The following PHRF1 variants were observed in gnomAD, a reference collection of about 807,000 sequenced individuals.
PHRF1 encodes the protein PHD and ring finger domains 1.
In PHRF1, 53 loss-of-function variants were observed where a neutral mutation model predicts 128.9. That is an observed-to-expected ratio of 0.41 (90% CI 0.33 to 0.52). The LOEUF is 0.52. Among genes scored for constraint, PHRF1 ranks in the 20% least tolerant of loss-of-function variants. PHRF1 has a pLI of 0.21. For missense variants in PHRF1, 2,503 were observed against 2,284.5 expected, an observed-to-expected ratio of 1.10 and a Z score of -1.95; for synonymous variants, 1,178 against 980.6, an observed-to-expected ratio of 1.20 and a Z score of -3.76.
intron 14 of PHRF1, 24 bp downstream of exon 14, chr11:609,744 C>G: frequency 7.1e-7 from 1 of 1,408,250 alleles, no homozygotes; most frequent in Non-Finnish European, 9.3e-7. Context: ...CGGCCCCCAC[C>G]GAGGACAGAG....
intron 4 of PHRF1, 46 bp from the exon 5 acceptor site, chr11:591,334 CTAAG>C (rs1564846700): frequency 6.7e-7 from 1 of 1,500,514 alleles, no homozygotes; most frequent in East Asian, 2.4e-5. Context: ...TTTTTGATCT[CTAAG>C]TGAAAGTGAT....
intron 16 of PHRF1, 65 bp from the exon 17 acceptor site, chr11:610,889 A>G: frequency 6.3e-7 from 1 of 1,595,234 alleles, no homozygotes; most frequent in Non-Finnish European, 8.6e-7. Flanking sequence ...CCAGAACCAC[A>G]GTGCCTCTGG....
intron 1 of PHRF1, among the ~76,000 whole-genome samples, chr11:580,378 G>T (rs1854134084): frequency 6.6e-6 from 1 of 152,232 alleles, no homozygotes; most frequent in African/African-American, 2.4e-5. Flanking sequence ...CTTGCAGAGT[G>T]GGAAGGGCAG....
In PHRF1 at chr11:579,660, T is replaced by G. The variant is rs560502714; in HGVS notation, c.-21-1832T>G. Among the ~76,000 whole-genome samples, 3 of 152,240 alleles carry G rather than the reference T, an allele frequency of 2.0e-5. No individual in the cohort carries two copies. In the East Asian group the frequency reaches 5.8e-4, roughly 29 times the overall value. On this transcript the variant is annotated intron_variant, in intron 1 of 17. Transcript: ENST00000264555. The stretch of plus-strand genomic sequence containing the variant: ...TGCTGGGTCCACCAAGCACCAGGGG[T>G]GCAGACTGCCTTGAGCGGGGATCAT...
rs199922330 is a variant in PHRF1, at chr11:609,351, C to G, written c.3895C>G (p.Pro1299Ala). Reference protein sequence around the residue: ...PPSPESTDSSPERDFPLKPAL... With the variant: ...PPSPESTDSSAERDFPLKPAL... ...TTCTCCCGAAAGCACAGACTCTTCC[C>G]CGGAGCGAGACTTCCCACTGAAGCC... Residue 1299 changes from proline (P) to alanine (A), a missense_variant, in exon 14 of 18, where the codon CCG (proline) becomes GCG (alanine). Coordinates refer to ENST00000264555, the MANE Select transcript of PHRF1 (RefSeq NM_001286581.2). 1.1e-3 allele frequency: 1,713 copies of G among 1,612,396 alleles called. 3 individuals carry two copies. Among genetic ancestry groups the G allele is most frequent in the Admixed American group, 1.3e-3 (80 of 60,030 alleles).
chr11:608,063 G>T lies in PHRF1; in HGVS notation c.2607G>T (p.Lys869Asn). 1.2e-6 allele frequency: 2 copies of T among 1,611,578 alleles called. No homozygotes were observed. The highest frequency in any genetic ancestry group is 1.6e-4 in the Middle Eastern group (1 of 6,062). The change falls in exon 14 of 18, where the codon AAG (lysine) becomes AAT (asparagine). Residue 869 changes from lysine to asparagine, a missense_variant. By Grantham distance (94) the Lys-to-Asn change is moderately conservative (BLOSUM62 0). Coordinates refer to ENST00000264555, the MANE Select transcript of PHRF1 (RefSeq NM_001286581.2). ...ITRTISINSP[K>N]AQTVQAVRCV... ...GAACCATCTCCATCAACAGCCCGAA[G>T]GCCCAGACGGTGCAGGCTGTGCGCT... is the stretch of plus-strand genomic sequence containing the variant.
chr11:592,274 T>A (rs1201452741), intron 5 of PHRF1, among the ~76,000 whole-genome samples: 1 of 151,852 alleles, frequency 6.6e-6, no homozygotes, highest in African/African-American at 2.4e-5. Context: ...CAGCACCTGC[T>A]GCCTCGCCCT....
chr11:607,974 T>C lies in PHRF1; in HGVS notation c.2518T>C (p.Ser840Pro). Residue 840 changes from serine (S) to proline (P), a missense_variant, in exon 14 of 18, where the codon TCC (serine) becomes CCC (proline). Physicochemically the swap from Ser to Pro is moderately conservative, Grantham distance 74 (BLOSUM62 -1). Transcript: ENST00000264555. ...CCCATCCGACCCCACCGGCTCCGACTCCAGCGCCCCTGGCAGCAGCCCCGA... is the reference window on the plus strand; with the variant it reads ...CCCATCCGACCCCACCGGCTCCGACCCCAGCGCCCCTGGCAGCAGCCCCGA... Reference protein sequence around the residue: ...YDPSDPTGSDSSAPGSSPERS... With the variant: ...YDPSDPTGSDPSAPGSSPERS... 1.2e-6 allele frequency: 2 copies of C among 1,611,598 alleles called. No homozygotes were observed. Among genetic ancestry groups the C allele is most frequent in the Non-Finnish European group, 1.7e-6 (2 of 1,179,812 alleles).
chr11:577,495 A>C (rs1052880389), intron 1 of PHRF1, among the ~76,000 whole-genome samples: 1 of 152,206 alleles, frequency 6.6e-6, no homozygotes, highest in African/African-American at 2.4e-5. Context: ...TTTCTTTCTT[A>C]TTGGAAGAAT....
chr11:591,349 T>C lies in PHRF1; in HGVS notation c.421-35T>C, dbSNP rs756142111. 8.4e-6 allele frequency: 13 copies of C among 1,550,686 alleles called. No homozygotes were observed. In the South Asian group the frequency reaches 1.4e-4, roughly 17 times the overall value. On this transcript the variant is annotated intron_variant, in intron 4 of 17. Coordinates refer to ENST00000264555, the MANE Select transcript of PHRF1 (RefSeq NM_001286581.2). ...TTTTTGATCTCTAAGTGAAAGTGATTGACAAGATTCTGATCCTGTTTTTAT... is the reference window on the plus strand; with the variant it reads ...TTTTTGATCTCTAAGTGAAAGTGATCGACAAGATTCTGATCCTGTTTTTAT...
Position 608,288 on chromosome 11 carries a change from G to A in PHRF1, c.2832G>A (p.Glu944=), listed in dbSNP as rs1306042207. The part of the protein sequence containing the change: ...RPSPPEPWDE[E]DGASCSTFFG... The stretch of plus-strand genomic sequence containing the variant: ...CCCCCCCAGAGCCCTGGGATGAGGA[G>A]GATGGGGCGTCTTGCAGCACCTTCT... The change falls in exon 14 of 18, where the codon GAG becomes GAA. Residue 944 remains glutamate, a synonymous_variant. Coordinates refer to ENST00000264555, the MANE Select transcript of PHRF1 (RefSeq NM_001286581.2). 3 of 1,609,866 alleles carry A rather than the reference G, an allele frequency of 1.9e-6. No homozygotes were observed. Among genetic ancestry groups the A allele is most frequent in the Non-Finnish European group, 2.5e-6 (3 of 1,179,254 alleles).
At chr11:577,532 T>A (rs1308270504) in intron 1 of PHRF1, among the ~76,000 whole-genome samples, 1 of 152,262 alleles carries the variant, frequency 6.6e-6, no homozygotes, top group Non-Finnish European at 1.5e-5. Context: ...AGTGGATGGA[T>A]GGCACCTCAG....
intron 10 of PHRF1, among the ~76,000 whole-genome samples, chr11:603,135 G>A (rs1035447389): frequency 3.9e-5 from 6 of 151,996 alleles, no homozygotes; most frequent in Non-Finnish European, 5.9e-5. Context: ...GCTCACTGCA[G>A]CCTTGACCTC....
At chr11:602,229 A>T (rs1855669041) in intron 10 of PHRF1, among the ~76,000 whole-genome samples, 1 of 152,196 alleles carries the variant, frequency 6.6e-6, no homozygotes, top group East Asian at 1.9e-4. Flanking sequence ...TGGACCAGAC[A>T]TTTAATATTC....
At position 610,825 on chromosome 11, in the gene PHRF1, G is replaced by A. The variant is rs947023635; in HGVS notation, c.4677+64G>A. Reference sequence around the variant, plus strand: ...CTTACTTTGAAACTAAAGTTGTTGGGGCTGAGTTTATGGGCGGAAGCTGGT... The same window carrying A: ...CTTACTTTGAAACTAAAGTTGTTGGAGCTGAGTTTATGGGCGGAAGCTGGT... On this transcript the variant is annotated intron_variant, in intron 16 of 17. Coordinates refer to ENST00000264555, the MANE Select transcript of PHRF1 (RefSeq NM_001286581.2). 6.9e-6 allele frequency: 11 copies of A among 1,586,218 alleles called. No individual in the cohort carries two copies. In the African/African-American group the frequency reaches 1.1e-4, roughly 15 times the overall value.
chr11:611,472 G>T (rs944129160), intron 17 of PHRF1, among the ~76,000 whole-genome samples, 162 bp from the exon 18 acceptor site: 3 of 152,246 alleles, frequency 2.0e-5, no homozygotes, highest in African/African-American at 7.2e-5. Flanking sequence ...CAGGACGGGG[G>T]TCTCACATAG....
chr11:611,986 C>T lies in PHRF1; in HGVS notation c.*209C>T. On this transcript the variant is annotated 3_prime_UTR_variant, in exon 18 of 18. Transcript: ENST00000264555. ...CACCTGTGTTGCTCACAGTTGAAAA[C>T]TGGACACTTTTGTATGTATATTATA... 1.4e-6 allele frequency: 1 copy of T among 713,586 alleles called. No individual in the cohort carries two copies. Among genetic ancestry groups the T allele is most frequent in the South Asian group, 1.9e-5 (1 of 51,472 alleles). 44.2% of individuals were successfully genotyped at this position (713,586 alleles called of 1,614,324 possible). A position where few individuals can be genotyped will look rare whatever the true frequency, so the allele number is the denominator to read the frequency against.
At chr11:604,522 G>A (rs1388945571) in intron 10 of PHRF1, among the ~76,000 whole-genome samples, 1 of 152,172 alleles carries the variant, frequency 6.6e-6, no homozygotes, top group East Asian at 1.9e-4. Context: ...GTTCTTGTTT[G>A]TTTGTTTTTG....
At chr11:609,857 C>T (rs1371972981) in intron 14 of PHRF1, 137 bp downstream of exon 14, 3 of 627,832 alleles carry the variant, frequency 4.8e-6, no homozygotes, top group East Asian at 5.7e-5. Flanking sequence ...AGGGCCCTGG[C>T]CTCCGCTGAG....
Sources: gnomAD v4.1 joint callset for allele counts (sites outside exome capture counted in the v4.1 genomes callset) on GRCh38, gnomAD v4.1.1 for gene constraint, MANE v1.5 for transcripts, NCBI Gene and HGNC (gene_info 2026-07-23, HGNC 2026-07-21) for gene names.